The following R3HDM1 variants were observed in gnomAD, a reference collection of about 807,000 sequenced individuals.
R3HDM1 encodes the protein R3H domain-containing protein 1.
In R3HDM1, 46 loss-of-function variants were observed where a neutral mutation model predicts 141.1. The ratio of observed to expected loss-of-function variants is 0.33; its 90% confidence interval spans 0.26 to 0.42. The LOEUF (loss-of-function observed/expected upper bound fraction) is 0.42, where lower values mean the gene tolerates loss of function less well. Among genes scored for constraint, R3HDM1 ranks in the 10% least tolerant of loss-of-function variants. R3HDM1 has a pLI of 1.00. For synonymous variants in R3HDM1, 435 were observed against 472.9 expected (o/e 0.92, Z 1.04); for missense variants, 1,184 against 1,368.3 (o/e 0.87, Z 2.12).
intron 1 of R3HDM1, among the ~76,000 whole-genome samples, chr2:135,594,532 A>G (rs1710118833): frequency 6.6e-6 from 1 of 152,122 alleles, no homozygotes; most frequent in African/African-American, 2.4e-5. Context: ...TGTTGGCCTT[A>G]ATGAACCACC....
chr2:135,542,428 TG>T (rs1697798176), intron 1 of R3HDM1, among the ~76,000 whole-genome samples: 1 of 152,250 alleles, frequency 6.6e-6, no homozygotes, highest in South Asian at 2.1e-4. Context: ...GTTTTCACTT[TG>T]TATACCTTGT....
At chr2:135,551,322 G>T (rs942773976) in intron 1 of R3HDM1, among the ~76,000 whole-genome samples, 3 of 152,168 alleles carry the variant, frequency 2.0e-5, no homozygotes, top group African/African-American at 7.2e-5. Flanking sequence ...AGCAGGAACT[G>T]ATAACTAAAA....
At chr2:135,589,705 C>G (rs1708787745) in intron 1 of R3HDM1, among the ~76,000 whole-genome samples, 1 of 151,962 alleles carries the variant, frequency 6.6e-6, no homozygotes, top group Admixed American at 6.6e-5. Context: ...ATATATGTTT[C>G]CACAGTTTTA....
chr2:135,641,497 G>C lies in R3HDM1; in HGVS notation c.1220-39G>C, dbSNP rs754377050. The C allele has an allele frequency of 1.9e-6, 3 of 1,557,080 alleles. No individual in the cohort carries two copies. In the East Asian group the frequency reaches 6.8e-5, roughly 35 times the overall value. ...TTAAAAACCTGTGTTTTTTATATGA[G>C]GTTTAAAAAATCCATATTTTTCATT... On this transcript the variant is annotated intron_variant, in intron 14 of 26. Transcript: ENST00000683871.
At chr2:135,614,570 TAAG>T (rs912190460) in intron 3 of R3HDM1, among the ~76,000 whole-genome samples, 1 of 152,216 alleles carries the variant, frequency 6.6e-6, no homozygotes, top group African/African-American at 2.4e-5. Context: ...TACCCACTAA[TAAG>T]AAGCAAATTC....
In R3HDM1 at chr2:135,688,895, C is replaced by G. The variant is rs1176867060; in HGVS notation, c.2459+8571C>G. ...AGGTTGCTGTGAGCCGAGATGGCACCACTGCGCTCCATCCTGGATGACAGA... is the reference window on the plus strand; with the variant it reads ...AGGTTGCTGTGAGCCGAGATGGCACGACTGCGCTCCATCCTGGATGACAGA... On this transcript the variant is annotated intron_variant, in intron 21 of 26. Coordinates refer to ENST00000683871, the MANE Select transcript of R3HDM1 (RefSeq NM_001378107.1). Among the ~76,000 whole-genome samples the G allele has an allele frequency of 2.6e-5, 4 of 152,168 alleles. No individual in the cohort carries two copies. In the East Asian group the frequency reaches 7.7e-4, roughly 29 times the overall value.
Position 135,621,549 on chromosome 2 carries a change from A to T in R3HDM1, c.359A>T (p.Lys120Ile). The change falls in exon 6 of 27, where the codon AAA becomes ATA. Residue 120 changes from lysine (K) to isoleucine (I), a missense_variant. Physicochemically the swap from Lys to Ile is moderately radical, Grantham distance 102 (BLOSUM62 -3). This residue lies in a region of R3HDM1 where 192 missense variants were observed against 215.7 expected (regional missense o/e 0.89). Coordinates refer to ENST00000683871, the MANE Select transcript of R3HDM1 (RefSeq NM_001378107.1). ...TTTGAGAAAGAAGAGAAGCCCTCAA[A>T]AGATGAAGCAGAAAAAGAAAAGGCC... ...QSFEKEEKPS[K>I]DEAEKEKASD... The T allele has an allele frequency of 6.2e-7, 1 of 1,604,152 alleles. No homozygotes were observed. Among genetic ancestry groups the T allele is most frequent in the African/African-American group, 1.3e-5 (1 of 74,734 alleles).
intron 24 of R3HDM1, among the ~76,000 whole-genome samples, chr2:135,720,344 C>T (rs2076585216): frequency 6.6e-6 from 1 of 152,212 alleles, no homozygotes; most frequent in Non-Finnish European, 1.5e-5. Context: ...CCACACCTTG[C>T]TGCTTTCTGT....
At chr2:135,661,160 A>G (rs377405883) in intron 18 of R3HDM1, 110 bp from the exon 19 acceptor site, 1 of 1,303,534 alleles carries the variant, frequency 7.7e-7, no homozygotes, top group Non-Finnish European at 1.0e-6. Flanking sequence ...CAGTTTTCCA[A>G]TGATTAGTGC....
chr2:135,651,747 T>C lies in R3HDM1; in HGVS notation c.1743T>C (p.Ser581=), dbSNP rs139193845. 3 of 1,610,704 alleles carry C rather than the reference T, an allele frequency of 1.9e-6. No individual in the cohort carries two copies. In the African/African-American group the frequency reaches 4.0e-5, roughly 22 times the overall value. Residue 581 remains serine (S), a synonymous_variant, in exon 18 of 27, where the codon TCT becomes TCC. Transcript: ENST00000683871. The part of the protein sequence containing the change: ...QQYSVQDNLG[S]QFSHMSLARQ... ...TTTTTTAGCAGGATAACCTAGGGTC[T>C]CAGTTTAGCCACATGAGTCTTGCTC...
At position 135,645,321 on chromosome 2, in the gene R3HDM1, G is replaced by A. The variant is rs559357195; in HGVS notation, c.1475-58G>A. ...CATGCTTTGTAAATTGTTAGTAAAA[G>A]GACCTATTTTCCACCTGTATTCTAA... is the stretch of plus-strand genomic sequence containing the variant. On this transcript the variant is annotated intron_variant, in intron 15 of 26. Transcript: ENST00000683871. The A allele has an allele frequency of 1.8e-5, 25 of 1,397,660 alleles. No homozygotes were observed. In the African/African-American group the frequency reaches 2.9e-4, roughly 16 times the overall value. 86.6% of individuals were successfully genotyped at this position (1,397,660 alleles called of 1,614,324 possible).
chr2:135,695,028 C>G (rs539179095), intron 21 of R3HDM1, among the ~76,000 whole-genome samples: 54 of 152,292 alleles, frequency 3.5e-4, no homozygotes, highest in African/African-American at 1.2e-3. Flanking sequence ...AAAGGCTGCT[C>G]TGTTTGGCTC....
rs1250787779 is a variant in R3HDM1 at position 135,641,797 on chromosome 2, A to G, written c.1474+7A>G. ...CTGATCAACCCACAAACAGGTTGGT[A>G]TCCAGAAAAAGGTGTTTCAGGAATT... On this transcript the variant is annotated splice_region_variant and intron_variant, in intron 15 of 26. Coordinates refer to ENST00000683871, the MANE Select transcript of R3HDM1 (RefSeq NM_001378107.1). 2 of 1,590,426 alleles carry G rather than the reference A, an allele frequency of 1.3e-6. No individual in the cohort carries two copies. The highest frequency in any genetic ancestry group is 1.4e-5 in the African/African-American group (1 of 73,742).
chr2:135,616,629 T>C, intron 4 of R3HDM1, 39 bp from the exon 5 acceptor site: 1 of 1,493,646 alleles, frequency 6.7e-7, no homozygotes, highest in Non-Finnish European at 9.2e-7. Context: ...TGCCCTAGAT[T>C]TCTGAAATGT....
intron 1 of R3HDM1, among the ~76,000 whole-genome samples, chr2:135,575,435 C>A (rs1559152649): frequency 6.6e-6 from 1 of 152,178 alleles, no homozygotes; most frequent in African/African-American, 2.4e-5. Flanking sequence ...ACCCGCCTGG[C>A]CTCCCAAAGT....
At chr2:135,675,145 A>G (rs2068965266) in intron 19 of R3HDM1, among the ~76,000 whole-genome samples, 187 bp from the exon 20 acceptor site, 1 of 152,200 alleles carries the variant, frequency 6.6e-6, no homozygotes, top group South Asian at 2.1e-4. Context: ...TTATTTCAAT[A>G]TATTTTAGTG....
chr2:135,705,483 T>C (rs905057645), intron 21 of R3HDM1, among the ~76,000 whole-genome samples: 1 of 152,102 alleles, frequency 6.6e-6, no homozygotes, highest in African/African-American at 2.4e-5. Flanking sequence ...CAAGCATTGA[T>C]ATTGCTTGAT....
intron 1 of R3HDM1, among the ~76,000 whole-genome samples, chr2:135,566,278 C>T (rs1702775885): frequency 6.6e-6 from 1 of 152,074 alleles, no homozygotes; most frequent in African/African-American, 2.4e-5. Context: ...AGGGGGGAAG[C>T]AAGGGAGTTT....
intron 12 of R3HDM1, 27 bp from the exon 13 acceptor site, chr2:135,638,712 T>C: frequency 6.2e-7 from 1 of 1,613,580 alleles, no homozygotes; most frequent in Non-Finnish European, 8.5e-7. Flanking sequence ...TAATAAAAAT[T>C]AAAATGTCCT....
Sources: gnomAD v4.1 joint callset for allele counts (sites outside exome capture counted in the v4.1 genomes callset) on GRCh38, gnomAD v4.1.1 for gene constraint, gnomAD v4.1.1 regional missense constraint, MANE v1.5 for transcripts, NCBI Gene and HGNC (gene_info 2026-07-23, HGNC 2026-07-21) for gene names.